Variants in PTPRE observed in about 807,000 individuals in gnomAD.
The protein encoded by PTPRE is receptor-type tyrosine-protein phosphatase epsilon.
A neutral mutation model predicts 102.0 loss-of-function variants in PTPRE; 51 were observed. The observed-to-expected ratio is 0.50, with a 90% CI of 0.40 to 0.63. PTPRE has a LOEUF of 0.63. Among genes scored for constraint, PTPRE ranks in the 30% least tolerant of loss-of-function variants. The probability of loss-of-function intolerance (pLI) is 0.00; values close to 1 mark genes in which losing one functional copy is unlikely to be tolerated. For synonymous variants in PTPRE, 345 were observed against 348.2 expected (o/e 0.99, Z 0.10); for missense variants, 752 against 915.1 (o/e 0.82, Z 2.30).
intron 1 of PTPRE, among the ~76,000 whole-genome samples, chr10:127,951,152 G>T (rs572852819): frequency 6.6e-4 from 100 of 152,218 alleles, no homozygotes; most frequent in Admixed American, 1.3e-3. Context: ...ATCTGTATAA[G>T]CATAAAACTT....
chr10:127,971,363 C>T (rs1245397559), intron 1 of PTPRE, among the ~76,000 whole-genome samples: 2 of 152,136 alleles, frequency 1.3e-5, no homozygotes, highest in Non-Finnish European at 2.9e-5. Context: ...GGGATTGGCA[C>T]CCCCCTGGAG....
Position 127,907,406 on chromosome 10 carries a change from C to T in PTPRE, c.-31+97C>T, listed in dbSNP as rs1799880509. 2.2e-6 allele frequency: 2 copies of T among 919,844 alleles called. No homozygotes were observed. Among genetic ancestry groups the T allele is most frequent in the Admixed American group, 6.2e-5 (1 of 16,110 alleles). 57.0% of individuals were successfully genotyped at this position (919,844 alleles called of 1,614,324 possible). A position where few individuals can be genotyped will look rare whatever the true frequency, so the allele number is the denominator to read the frequency against. ...CGGGGCGCTGCCTCGGCCGCTGCCGCGGGAGGGAGGGGCCGCTCCGGGGCT... is the reference window on the plus strand; with the variant it reads ...CGGGGCGCTGCCTCGGCCGCTGCCGTGGGAGGGAGGGGCCGCTCCGGGGCT... On this transcript the variant is annotated intron_variant, in intron 1 of 20. Transcript: ENST00000254667. The surrounding 1 kb of genome is among the most constrained non-coding windows in gnomAD (Gnocchi z 4.8).
At chr10:127,998,336 C>A (rs973349178) in intron 2 of PTPRE, 4 of 152,216 alleles carry the variant, frequency 2.6e-5, no homozygotes, top group African/African-American at 9.7e-5. Flanking sequence ...GTAGCAAGGG[C>A]ATGCCACCCA....
At chr10:128,068,446 C>A in intron 12 of PTPRE, 160 bp downstream of exon 12, 1 of 771,750 alleles carries the variant, frequency 1.3e-6, no homozygotes, top group Non-Finnish European at 1.9e-6. Flanking sequence ...GCCCCAAGAA[C>A]CCTACAGGAG....
chr10:128,018,410 C>T (rs1396398688), intron 2 of PTPRE, among the ~76,000 whole-genome samples: 2 of 152,238 alleles, frequency 1.3e-5, no homozygotes, highest in African/African-American at 4.8e-5. Flanking sequence ...ACCATCATCT[C>T]GCAGATCTGT....
chr10:127,969,861 C>T (rs959842934), intron 1 of PTPRE, among the ~76,000 whole-genome samples: 1 of 152,102 alleles, frequency 6.6e-6, no homozygotes, highest in Non-Finnish European at 1.5e-5. Flanking sequence ...ATGAAGGAGG[C>T]TGTTGGTTCT....
intron 1 of PTPRE, among the ~76,000 whole-genome samples, chr10:127,932,252 G>A (rs11018408): frequency 0.088 from 13,363 of 152,172 alleles, 686 homozygotes; most frequent in East Asian, 0.16. Flanking sequence ...AACATGCCGC[G>A]TTGAAGAACT....
intron 2 of PTPRE, among the ~76,000 whole-genome samples, chr10:128,016,318 T>C (rs1347201647): frequency 6.6e-6 from 1 of 152,132 alleles, no homozygotes; most frequent in African/African-American, 2.4e-5. Flanking sequence ...GGGACCCAAT[T>C]TGCAGCTTCT....
chr10:128,002,421 T>G (rs1411598844), intron 2 of PTPRE, among the ~76,000 whole-genome samples: 1 of 152,020 alleles, frequency 6.6e-6, no homozygotes, highest in African/African-American at 2.4e-5. Flanking sequence ...AAGTCAGTAG[T>G]GGGGAGCACC....
chr10:128,073,929 T>C (rs537829209), intron 17 of PTPRE, among the ~76,000 whole-genome samples: 7 of 152,374 alleles, frequency 4.6e-5, no homozygotes, highest in African/African-American at 1.7e-4. Context: ...TATTGTGATA[T>C]AATTCACCTA....
At chr10:127,982,248 C>CTTTTTTT (rs533069009) in intron 1 of PTPRE, 26 bp from the exon 2 acceptor site, 1 of 1,250,684 alleles carries the variant, frequency 8.0e-7, no homozygotes, top group Non-Finnish European at 1.0e-6. Context: ...AGAAAACTGA[C>CTTTTTTT]TTTTTTTTTC....
At position 128,079,664 on chromosome 10, in the gene PTPRE, G is replaced by A. The variant is rs748800241; in HGVS notation, c.1997G>A (p.Arg666Gln). Residue 666 changes from arginine (R) to glutamine (Q), a missense_variant, in exon 20 of 21, where the codon CGA becomes CAA. By Grantham distance (43) the Arg-to-Gln change is conservative. Around this residue, in one of 2 missense-constraint regions of PTPRE, gnomAD observed 636 missense variants for 824.4 expected, o/e 0.77. Transcript: ENST00000254667. ...LDVFQAVKSL[R>Q]LQRPHMVQTL... ...GTATTTCAAGCTGTGAAGAGTTTAC[G>A]ACTTCAGAGACCACATATGGTGCAA... is the stretch of plus-strand genomic sequence containing the variant. 3 of 1,613,730 alleles carry A rather than the reference G, an allele frequency of 1.9e-6. No individual in the cohort carries two copies. The highest frequency in any genetic ancestry group is 2.5e-6 in the Non-Finnish European group (3 of 1,179,612).
At chr10:128,071,519 G>C (rs1400252021) in intron 15 of PTPRE, 1 of 155,150 alleles carries the variant, frequency 6.4e-6, no homozygotes, top group Non-Finnish European at 1.4e-5. Context: ...AGTGGGAATC[G>C]GGAGGCTCAC....
intron 2 of PTPRE, among the ~76,000 whole-genome samples, chr10:127,984,808 C>G (rs1370325567): frequency 6.6e-6 from 1 of 152,162 alleles, no homozygotes; most frequent in African/African-American, 2.4e-5. Flanking sequence ...ATTGTGAGGC[C>G]TCCCCAGCCA....
intron 17 of PTPRE, among the ~76,000 whole-genome samples, chr10:128,075,835 C>T (rs1182868368): frequency 6.6e-6 from 1 of 152,172 alleles, no homozygotes; most frequent in African/African-American, 2.4e-5. Flanking sequence ...TTGTGGATGA[C>T]ATATTTCCTC....
At chr10:127,967,038 G>T (rs1850308434) in intron 1 of PTPRE, among the ~76,000 whole-genome samples, 1 of 152,178 alleles carries the variant, frequency 6.6e-6, no homozygotes, top group South Asian at 2.1e-4. Flanking sequence ...CACTTCAAGG[G>T]CAAAGTCAGG....
chr10:127,933,401 G>A (rs567564481), intron 1 of PTPRE, among the ~76,000 whole-genome samples: 1 of 152,236 alleles, frequency 6.6e-6, no homozygotes, highest in East Asian at 1.9e-4. Flanking sequence ...AATCCTCGTG[G>A]ACTACATTAT....
intron 6 of PTPRE, among the ~76,000 whole-genome samples, chr10:128,053,242 C>T (rs1848688860): frequency 6.6e-6 from 1 of 152,048 alleles, no homozygotes; most frequent in Non-Finnish European, 1.5e-5. Flanking sequence ...CAGAGTGAGA[C>T]CCTGTCTCAA....
chr10:127,999,820 A>G (rs1853682821), intron 2 of PTPRE: 1 of 985,310 alleles, frequency 1.0e-6, no homozygotes, highest in Non-Finnish European at 1.2e-6. Flanking sequence ...TTACAAAGGG[A>G]ATACTCAGTA....
Sources: allele counts gnomAD v4.1 joint callset (sites outside exome capture counted in the v4.1 genomes callset), GRCh38; gene constraint gnomAD v4.1.1; regional missense constraint gnomAD v4.1.1; non-coding constraint Gnocchi (gnomAD v3.1); transcripts MANE v1.5; gene names NCBI Gene and HGNC (gene_info 2026-07-23, HGNC 2026-07-21).